The following UBAP2 variants were observed in gnomAD, a reference collection of about 807,000 sequenced individuals.
UBAP2 encodes the protein ubiquitin-associated protein 2.
In UBAP2, 75 loss-of-function variants were observed where a neutral mutation model predicts 139.6. That is an observed-to-expected ratio of 0.54 (90% CI 0.45 to 0.65). The LOEUF (loss-of-function observed/expected upper bound fraction) is 0.65. Among genes scored for constraint, UBAP2 ranks in the 30% least tolerant of loss-of-function variants. The pLI is 0.00. For missense variants in UBAP2, 1,368 were observed against 1,369.6 expected (o/e 1.00, Z 0.02); for synonymous variants, 526 against 526.2 (o/e 1.00, Z 0.01).
At chr9:33,977,325 C>A (rs1820223183) in intron 6 of UBAP2, among the ~76,000 whole-genome samples, 1 of 152,042 alleles carries the variant, frequency 6.6e-6, no homozygotes, top group African/African-American at 2.4e-5. Context: ...GCGTGAACCA[C>A]CGCGCCCAGC....
At chr9:33,929,798 T>C (rs1823803759) in intron 19 of UBAP2, among the ~76,000 whole-genome samples, 1 of 152,168 alleles carries the variant, frequency 6.6e-6, no homozygotes, top group South Asian at 2.1e-4. Context: ...GATCAGGAGT[T>C]TGAGACCAGC....
rs776989578 is a variant in UBAP2, at chr9:33,922,574, G to A, written c.3290C>T (p.Pro1097Leu). The A allele has an allele frequency of 6.2e-6, 10 of 1,613,560 alleles. No individual in the cohort carries two copies. The highest frequency in any genetic ancestry group is 4.2e-6 in the Non-Finnish European group (5 of 1,179,920). ...AQSGSGQRSQ[P>L]SSLQPKSQAS... is the part of the protein sequence containing the mutation. ...TTGAGACTTGGGCTGCAGGGAGCTG[G>A]GCTGGCTGCGCTGACCCGAGCCACT... Residue 1097 changes from proline (P) to leucine (L), a missense_variant, in exon 29 of 29, where the codon CCC becomes CTC. Transcript: ENST00000379238.
At chr9:34,013,679 C>G (rs530604892) in intron 2 of UBAP2, among the ~76,000 whole-genome samples, 4 of 152,118 alleles carry the variant, frequency 2.6e-5, no homozygotes, top group African/African-American at 9.6e-5. Context: ...AAGTTTGAAA[C>G]CAGCCTGGCC....
chr9:33,989,420 C>T (rs765909039), intron 4 of UBAP2, among the ~76,000 whole-genome samples: 2 of 152,150 alleles, frequency 1.3e-5, no homozygotes, highest in Non-Finnish European at 2.9e-5. Flanking sequence ...CCATGATGGT[C>T]TCGATCTCCT....
Position 34,030,785 on chromosome 9 carries a change from C to G in UBAP2, c.-41-13596G>C, listed in dbSNP as rs551336511. Among the ~76,000 whole-genome samples, 60 of 151,968 alleles carry G rather than the reference C, an allele frequency of 3.9e-4. 1 individual carries two copies. Among genetic ancestry groups the G allele is most frequent in the Admixed American group, 3.0e-3 (45 of 15,238 alleles). ...ACTAAAAGTATTTTTAAAAAATTAG[C>G]TGGGCATAGTGGCAGGCGCCTGTAG... On this transcript the variant is annotated intron_variant, in intron 1 of 28. Coordinates refer to ENST00000379238, the MANE Select transcript of UBAP2 (RefSeq NM_001370062.2).
At chr9:33,961,934 T>C in intron 9 of UBAP2, among the ~76,000 whole-genome samples, 1 of 152,212 alleles carries the variant, frequency 6.6e-6, no homozygotes, top group South Asian at 2.1e-4. Context: ...TGATTTCAGA[T>C]TGGGGTGGCT....
chr9:33,930,886 A>G lies in UBAP2; in HGVS notation c.2175+1676T>C, dbSNP rs77832708. 1.2e-3 allele frequency among the ~76,000 whole-genome samples: 150 copies of G among 128,136 alleles called. 2 individuals carry two copies. In the East Asian group the frequency reaches 0.035, roughly 30 times the overall value. The allele number at this position is 128,136 out of a possible 152,430, so 84.1% of individuals were successfully genotyped here. A position where few individuals can be genotyped will look rare whatever the true frequency, so the allele number is the denominator to read the frequency against. Reference sequence around the variant, plus strand: ...ACTCCAGCCTAGGCGACAGAGTGAGACTGCATCTCAAAAAAAAAAAAAAAA... The same window carrying G: ...ACTCCAGCCTAGGCGACAGAGTGAGGCTGCATCTCAAAAAAAAAAAAAAAA... On this transcript the variant is annotated intron_variant, in intron 19 of 28. Transcript: ENST00000379238.
chr9:33,960,854 T>G lies in UBAP2; in HGVS notation c.770A>C (p.Glu257Ala), dbSNP rs776831459. 3.1e-6 allele frequency: 5 copies of G among 1,613,626 alleles called. No homozygotes were observed. The South Asian group carries it at 3.3e-5, about 11-fold the overall frequency. ...TTCAGTCCAGTCTTCTGTTGTCCAC[T>G]CTTCCACAGAATTCTTCCAAGCCCC... The part of the protein sequence containing the change: ...LKGAWKNSVE[E>A]WTTEDWTEDL... Residue 257 changes from glutamate to alanine, a missense_variant, in exon 10 of 29, where the codon GAG (glutamate) becomes GCG (alanine). By Grantham distance (107) the Glu-to-Ala change is moderately radical. Coordinates refer to ENST00000379238, the MANE Select transcript of UBAP2 (RefSeq NM_001370062.2).
intron 2 of UBAP2, among the ~76,000 whole-genome samples, chr9:34,003,449 G>A (rs1822902642): frequency 6.8e-6 from 1 of 147,180 alleles, no homozygotes; most frequent in African/African-American, 2.5e-5. Flanking sequence ...GCGACTCACT[G>A]CAACCTCCGC....
At chr9:34,044,090 C>CAAAAA (rs74180528) in intron 1 of UBAP2, among the ~76,000 whole-genome samples, 1 of 85,190 alleles carries the variant, frequency 1.2e-5, no homozygotes, top group African/African-American at 5.1e-5. Flanking sequence ...AACTCCACCT[C>CAAAAA]AAAAAAAAAA....
intron 1 of UBAP2, among the ~76,000 whole-genome samples, chr9:34,031,386 G>A (rs1825876298): frequency 6.6e-6 from 1 of 151,826 alleles, no homozygotes; most frequent in Non-Finnish European, 1.5e-5. Context: ...TTGGCTTACT[G>A]CAACCTCTAC....
chr9:34,025,636 G>GA (rs1825338623), intron 1 of UBAP2, among the ~76,000 whole-genome samples: 1 of 152,212 alleles, frequency 6.6e-6, no homozygotes, highest in South Asian at 2.1e-4. Context: ...AATGAGGAAA[G>GA]AAAGTCTCCG....
chr9:33,981,245 GAT>G lies in UBAP2; in HGVS notation c.520+5513_520+5514del, dbSNP rs748761524. On this transcript the variant is annotated intron_variant, in intron 6 of 28. Transcript: ENST00000379238. Reference sequence around the variant, plus strand: ...ATTCTGGATATATATATATATTCTGGATATATATATATATTCTGGATATATAT... The same window carrying G: ...ATTCTGGATATATATATATATTCTGGATATATATATATTCTGGATATATAT... Among the ~76,000 whole-genome samples, 46 of 32,310 alleles carry G rather than the reference GAT, an allele frequency of 1.4e-3. 2 individuals carry two copies. Among genetic ancestry groups the G allele is most frequent in the African/African-American group, 4.2e-3 (36 of 8,650 alleles). The allele number at this position is 32,310 out of a possible 152,430, so 21.2% of individuals were successfully genotyped here.
chr9:33,947,981 CAAAAA>C (rs34296980), intron 13 of UBAP2, among the ~76,000 whole-genome samples: 3 of 80,612 alleles, frequency 3.7e-5, no homozygotes, highest in Admixed American at 1.5e-4. Flanking sequence ...GACCCCATCT[CAAAAA>C]AAAAAAAAAA....
At chr9:33,938,417 C>T (rs1824788367) in intron 16 of UBAP2, among the ~76,000 whole-genome samples, 1 of 152,136 alleles carries the variant, frequency 6.6e-6, no homozygotes, top group African/African-American at 2.4e-5. Context: ...AGACATAAGC[C>T]ACCATGCCCA....
At chr9:34,044,484 A>C (rs1299252763) in intron 1 of UBAP2, among the ~76,000 whole-genome samples, 1 of 151,992 alleles carries the variant, frequency 6.6e-6, no homozygotes, top group African/African-American at 2.4e-5. Flanking sequence ...AGAATCACTT[A>C]AGCCAGGGAG....
intron 8 of UBAP2, among the ~76,000 whole-genome samples, chr9:33,969,551 TAAA>T (rs60255464): frequency 1.4e-5 from 2 of 140,624 alleles, no homozygotes; most frequent in Non-Finnish European, 1.5e-5. Context: ...GCTCTCTCTT[TAAA>T]AAAAAAAAAA....
chr9:33,972,153 T>C (rs1368757489), intron 7 of UBAP2, among the ~76,000 whole-genome samples: 1 of 152,236 alleles, frequency 6.6e-6, no homozygotes, highest in East Asian at 1.9e-4. Flanking sequence ...TTTTACAGCT[T>C]AGATTTATAT....
intron 10 of UBAP2, among the ~76,000 whole-genome samples, chr9:33,957,746 A>G (rs762037235): frequency 6.6e-6 from 1 of 152,216 alleles, no homozygotes; most frequent in East Asian, 1.9e-4. Context: ...AAATGTTCCC[A>G]TAATTCTTAT....
Sources: allele counts gnomAD v4.1 joint callset (sites outside exome capture counted in the v4.1 genomes callset), GRCh38; gene constraint gnomAD v4.1.1; transcripts MANE v1.5; gene names NCBI Gene and HGNC (gene_info 2026-07-23, HGNC 2026-07-21).